The following PLEKHM3 variants were observed in gnomAD, a reference collection of about 807,000 sequenced individuals.
PLEKHM3 encodes the protein pleckstrin homology domain containing M3.
In PLEKHM3, 45 loss-of-function variants were observed where a neutral mutation model predicts 81.8. The ratio of observed to expected loss-of-function variants is 0.55; its 90% CI spans 0.43 to 0.71. The LOEUF (loss-of-function observed/expected upper bound fraction) is 0.71, where lower values mean the gene tolerates loss of function less well. Among genes scored for constraint, PLEKHM3 ranks in the 30% least tolerant of loss-of-function variants. PLEKHM3 has a pLI of 0.00. For missense variants in PLEKHM3, 788 were observed against 924.3 expected (o/e 0.85, Z 1.91); for synonymous variants, 352 against 356.4 (o/e 0.99, Z 0.14).
At chr2:207,970,489 C>A (rs1691081313) in intron 3 of PLEKHM3, among the ~76,000 whole-genome samples, 1 of 152,162 alleles carries the variant, frequency 6.6e-6, no homozygotes, top group African/African-American at 2.4e-5. Context: ...ATAAATAGAG[C>A]AGCCCCGAGG....
chr2:207,884,599 A>G (rs1400082074), intron 6 of PLEKHM3, among the ~76,000 whole-genome samples: 1 of 152,236 alleles, frequency 6.6e-6, no homozygotes, highest in African/African-American at 2.4e-5. Flanking sequence ...TTATTAAGGA[A>G]TCTCATTCCA....
chr2:207,930,977 C>G lies in PLEKHM3; in HGVS notation c.1835G>C (p.Arg612Pro). The change falls in exon 5 of 8, where the codon CGA (arginine) becomes CCA (proline). Residue 612 changes from arginine to proline, a missense_variant. Arg to Pro is a moderately radical substitution (Grantham distance 103, BLOSUM62 -2). Coordinates refer to ENST00000427836, the MANE Select transcript of PLEKHM3 (RefSeq NM_001080475.3). Reference protein sequence around the residue: ...LRLRQRLKSLRAYLFSCRAAV... With the variant: ...LRLRQRLKSLPAYLFSCRAAV... ...TGCCCGGCAGCTGAACAAATAGGCT[C>G]GGAGCGACTTCAGCCGCTGCCGCAG... 6.2e-7 allele frequency: 1 copy of G among 1,613,722 alleles called. No individual in the cohort carries two copies. The highest frequency in any genetic ancestry group is 8.5e-7 in the Non-Finnish European group (1 of 1,179,678).
At chr2:208,018,171 G>A (rs1026872357) in intron 1 of PLEKHM3, among the ~76,000 whole-genome samples, 2 of 151,948 alleles carry the variant, frequency 1.3e-5, no homozygotes, top group Non-Finnish European at 1.5e-5. Context: ...TCAAGAGATC[G>A]AGACAATCCT....
At chr2:208,024,014 G>A (rs1013262229) in intron 1 of PLEKHM3, among the ~76,000 whole-genome samples, 1 of 151,958 alleles carries the variant, frequency 6.6e-6, no homozygotes, top group Non-Finnish European at 1.5e-5. Flanking sequence ...GTGGTGGCTT[G>A]TGCCTATGGT....
chr2:207,972,390 C>CTCATGGCA (rs1691155686), intron 3 of PLEKHM3, among the ~76,000 whole-genome samples: 1 of 151,966 alleles, frequency 6.6e-6, no homozygotes, highest in African/African-American at 2.4e-5. Context: ...AGTTCGAGAC[C>CTCATGGCA]AGCTTGACCA....
chr2:207,998,699 A>G (rs1251896031), intron 2 of PLEKHM3, among the ~76,000 whole-genome samples: 2 of 152,184 alleles, frequency 1.3e-5, no homozygotes, highest in Admixed American at 6.5e-5. Context: ...TGAGCACTCA[A>G]AGGAGTAGTT....
intron 3 of PLEKHM3, among the ~76,000 whole-genome samples, chr2:207,967,371 T>G (rs1385136940): frequency 6.6e-6 from 1 of 152,232 alleles, no homozygotes; most frequent in Non-Finnish European, 1.5e-5. Context: ...CCACATGGGC[T>G]GCTGTTAGCT....
rs1339221122 is a variant in PLEKHM3 at position 207,963,616 on chromosome 2, CAACT to C, written c.1546+13031_1546+13034del. Reference sequence around the variant, plus strand: ...AAAGGAGATCTCAAAACTCAAACACCAACTATGTTTACCAAGTATAAAATAAAAA... The same window carrying C: ...AAAGGAGATCTCAAAACTCAAACACCATGTTTACCAAGTATAAAATAAAAA... On this transcript the variant is annotated intron_variant, in intron 3 of 7. Transcript: ENST00000427836. Among the ~76,000 whole-genome samples the C allele has an allele frequency of 3.3e-5, 5 of 152,152 alleles. No homozygotes were observed. In the East Asian group the frequency reaches 9.6e-4, roughly 29 times the overall value.
chr2:207,942,736 T>G (rs2105961972), intron 4 of PLEKHM3, among the ~76,000 whole-genome samples: 1 of 151,906 alleles, frequency 6.6e-6, no homozygotes, highest in South Asian at 2.1e-4. Flanking sequence ...CCGTCTCTAC[T>G]AAAAAATACA....
At chr2:207,945,899 TAA>T (rs748754872) in intron 4 of PLEKHM3, among the ~76,000 whole-genome samples, 8 of 124,022 alleles carry the variant, frequency 6.5e-5, no homozygotes, top group Non-Finnish European at 5.2e-5. Flanking sequence ...AGACAATGTC[TAA>T]AAAAAAAAAA....
At chr2:207,846,083 G>T (rs1285114234) in intron 7 of PLEKHM3, among the ~76,000 whole-genome samples, 1 of 152,188 alleles carries the variant, frequency 6.6e-6, no homozygotes, top group Non-Finnish European at 1.5e-5. Flanking sequence ...CTTGTCAAAG[G>T]TCACACAAAT....
chr2:207,978,623 A>T (rs966687036), intron 2 of PLEKHM3, among the ~76,000 whole-genome samples: 1 of 152,032 alleles, frequency 6.6e-6, no homozygotes, highest in African/African-American at 2.4e-5. Context: ...CGACTAGTTC[A>T]CTTTTTAGGT....
At chr2:207,956,466 C>G (rs1302676219) in intron 3 of PLEKHM3, among the ~76,000 whole-genome samples, 1 of 151,518 alleles carries the variant, frequency 6.6e-6, no homozygotes, top group African/African-American at 2.4e-5. Context: ...GTATGAGACT[C>G]CATCTCAAAA....
chr2:208,004,931 T>C (rs1331280291), intron 1 of PLEKHM3, among the ~76,000 whole-genome samples: 4 of 152,204 alleles, frequency 2.6e-5, no homozygotes, highest in African/African-American at 9.7e-5. Context: ...GTTCAAGCGA[T>C]TCTCCTGCCT....
At chr2:208,018,380 A>G (rs935510406) in intron 1 of PLEKHM3, among the ~76,000 whole-genome samples, 2 of 151,602 alleles carry the variant, frequency 1.3e-5, no homozygotes, top group Non-Finnish European at 2.9e-5. Context: ...TCAAAAAAAA[A>G]AAAAGAAAAG....
At chr2:207,987,540 T>A (rs1214789454) in intron 2 of PLEKHM3, among the ~76,000 whole-genome samples, 1 of 152,218 alleles carries the variant, frequency 6.6e-6, no homozygotes, top group Non-Finnish European at 1.5e-5. Flanking sequence ...ACATGCGGAC[T>A]CAGCGGGAAA....
chr2:207,958,309 A>C (rs2105992099), intron 3 of PLEKHM3, among the ~76,000 whole-genome samples: 1 of 152,078 alleles, frequency 6.6e-6, no homozygotes, highest in African/African-American at 2.4e-5. Context: ...TCACAAATTA[A>C]TCTTGGTGAA....
chr2:207,918,543 AAAACAAACAAAC>A (rs376766099), intron 5 of PLEKHM3, among the ~76,000 whole-genome samples: 1 of 146,466 alleles, frequency 6.8e-6, no homozygotes, highest in Non-Finnish European at 1.5e-5. Context: ...AAACAAACAA[AAAACAAACAAAC>A]AAACAAACAA....
intron 7 of PLEKHM3, among the ~76,000 whole-genome samples, chr2:207,837,632 C>CATTT (rs2092326606): frequency 1.9e-5 from 2 of 105,956 alleles, no homozygotes; most frequent in Non-Finnish European, 1.8e-5. Context: ...ATAGTTCTCC[C>CATTT]TTTTTTTTTT....
Sources: allele counts gnomAD v4.1 joint callset (sites outside exome capture counted in the v4.1 genomes callset), GRCh38; gene constraint gnomAD v4.1.1; transcripts MANE v1.5; gene names NCBI Gene and HGNC (gene_info 2026-07-23, HGNC 2026-07-21).